XIAP: variants seen among roughly 807,000 people sequenced by gnomAD.
The protein encoded by XIAP is E3 ubiquitin-protein ligase XIAP.
A neutral mutation model predicts 33.1 loss-of-function variants in XIAP; 3 were observed. The observed-to-expected ratio is 0.09, with a 90% confidence interval of 0.04 to 0.23. XIAP has a LOEUF of 0.23. Among genes scored for constraint, XIAP ranks in the 10% least tolerant of loss-of-function variants. The pLI is 1.00. For missense variants in XIAP, 264 were observed against 363.0 expected (o/e 0.73, Z 2.22); for synonymous variants, 98 against 121.3 (o/e 0.81, Z 1.26).
At chrX:123,891,486 T>A (rs1242166130) in intron 4 of XIAP, among the ~76,000 whole-genome samples, 170 bp downstream of exon 4, 1 of 111,845 alleles carries the variant, frequency 8.9e-6, no homozygotes, top group Non-Finnish European at 1.9e-5. Context: ...ACACAAATTT[T>A]AAGTTAAAAA....
rs764131037 is a variant in XIAP, at chrX:123,911,110, G to A, written c.*3929G>A. 3.0e-6 allele frequency: 1 copy of A among 328,727 alleles called. No homozygotes were observed. The highest frequency in any genetic ancestry group is 3.1e-5 in the Admixed American group (1 of 32,124). The allele number at this position is 328,727 out of a possible 1,213,427, so 27.1% of individuals were successfully genotyped here. A position where few individuals can be genotyped will look rare whatever the true frequency, so the allele number is the denominator to read the frequency against. ...GGTTTGTCTTGACCTGGAAATTTGGGCTAAAACTTAGAAAAAATTCTTACA... is the reference window on the plus strand; with the variant it reads ...GGTTTGTCTTGACCTGGAAATTTGGACTAAAACTTAGAAAAAATTCTTACA... On this transcript the variant is annotated 3_prime_UTR_variant, in exon 7 of 7. Transcript: ENST00000371199.
chrX:123,895,694 T>C (rs909924022), intron 5 of XIAP, among the ~76,000 whole-genome samples: 3 of 110,630 alleles, frequency 2.7e-5, no homozygotes, highest in Non-Finnish European at 3.8e-5. Context: ...TTAATGATAT[T>C]GAGCATCTTT....
chrX:123,892,805 T>G (rs768527516), intron 5 of XIAP, 32 bp downstream of exon 5: 1 of 1,115,838 alleles, frequency 9.0e-7, no homozygotes, highest in East Asian at 3.0e-5. Flanking sequence ...CCTTTTAATT[T>G]AACTGCCAAT....
At chrX:123,897,434 A>C (rs1210209379) in intron 5 of XIAP, among the ~76,000 whole-genome samples, 1 of 111,972 alleles carries the variant, frequency 8.9e-6, no homozygotes, top group South Asian at 3.7e-4. Context: ...GGTATCAGGT[A>C]GGGGTCCACG....
chrX:123,864,564 T>C (rs1224312666), intron 1 of XIAP, among the ~76,000 whole-genome samples: 5 of 105,764 alleles, frequency 4.7e-5, no homozygotes, highest in Non-Finnish European at 9.7e-5. Flanking sequence ...CCTCCCGGCT[T>C]CACGCCATTC....
Position 123,885,723 on chromosome X carries a change from G to A in XIAP, c.61G>A (p.Glu21Lys), listed in dbSNP as rs770762804. The change falls in exon 2 of 7, where the codon GAA becomes AAA. Residue 21 changes from glutamate (E) to lysine (K), a missense_variant. Transcript: ENST00000371199. The part of the protein sequence containing the change: ...TCVPADINKE[E>K]EFVEEFNRLK... ...TGTACCTGCAGACATCAATAAGGAA[G>A]AAGAATTTGTAGAAGAGTTTAATAG... The A allele has an allele frequency of 2.5e-6, 3 of 1,211,158 alleles. No individual in the cohort carries two copies. In the African/African-American group the frequency reaches 5.2e-5, roughly 21 times the overall value.
intron 6 of XIAP, among the ~76,000 whole-genome samples, chrX:123,901,877 G>A (rs992302888): frequency 1.8e-5 from 2 of 110,316 alleles, no homozygotes; most frequent in Non-Finnish European, 3.8e-5. Flanking sequence ...CTGTCGCCCA[G>A]GCTGGAGTGC....
intron 2 of XIAP, among the ~76,000 whole-genome samples, chrX:123,887,976 C>G (rs1185151582): frequency 2.9e-5 from 3 of 104,084 alleles, no homozygotes. Flanking sequence ...AAGAGTAAAA[C>G]TCCATCTCAG....
chrX:123,888,831 T>C, intron 3 of XIAP, 113 bp downstream of exon 3: 1 of 641,422 alleles, frequency 1.6e-6, no homozygotes, highest in Admixed American at 2.7e-5. Flanking sequence ...AAATTCATGC[T>C]AGGTTTATAA....
chrX:123,874,847 A>AC (rs1399106648), intron 1 of XIAP, among the ~76,000 whole-genome samples: 1 of 98,899 alleles, frequency 1.0e-5, no homozygotes, highest in East Asian at 3.1e-4. Context: ...GGTGTGTGCC[A>AC]CCACCCCCAG....
intron 1 of XIAP, among the ~76,000 whole-genome samples, chrX:123,864,455 GTTT>G (rs1162636021): frequency 4.0e-5 from 2 of 49,596 alleles, no homozygotes; most frequent in African/African-American, 8.3e-5. Flanking sequence ...CCTTTCTTCT[GTTT>G]TTTTTTTTTT....
Position 123,908,534 on chromosome X carries a change from A to AT in XIAP, c.*1354dup, listed in dbSNP as rs1569480022. The AT allele has an allele frequency of 1.1e-5, 4 of 365,910 alleles. No individual in the cohort carries two copies. The highest frequency in any genetic ancestry group is 2.1e-5 in the Non-Finnish European group (4 of 192,626). 30.2% of individuals were successfully genotyped at this position (365,910 alleles called of 1,213,427 possible). On this transcript the variant is annotated 3_prime_UTR_variant, in exon 7 of 7. Coordinates refer to ENST00000371199, the MANE Select transcript of XIAP (RefSeq NM_001167.4). ...GACAGCTTTCCATGTTGAGATTCTC[A>AT]TATCATCTTGTATCTTAAAGTTTCA...
At chrX:123,888,806 C>A (rs2053377337) in intron 3 of XIAP, 88 bp downstream of exon 3, 3 of 823,341 alleles carry the variant, frequency 3.6e-6, no homozygotes, top group African/African-American at 2.0e-5. Context: ...CTATTTTTGC[C>A]TTCACTATGG....
At chrX:123,885,556 T>C (rs2053343668) in intron 1 of XIAP, 75 bp from the exon 2 acceptor site, 3 of 845,204 alleles carry the variant, frequency 3.5e-6, no homozygotes, top group Non-Finnish European at 3.4e-6. Flanking sequence ...GTGGATAATT[T>C]GTTAGCTCCT....
intron 6 of XIAP, among the ~76,000 whole-genome samples, chrX:123,904,046 C>G (rs1273274250): frequency 8.9e-6 from 1 of 111,866 alleles, no homozygotes; most frequent in Non-Finnish European, 1.9e-5. Flanking sequence ...TACTTTTTGT[C>G]TCTATAAATT....
intron 5 of XIAP, among the ~76,000 whole-genome samples, chrX:123,893,742 G>A (rs1396493196): frequency 9.0e-6 from 1 of 111,451 alleles, no homozygotes; most frequent in Non-Finnish European, 1.9e-5. Context: ...TCGGGAGGCC[G>A]AGGCGGGAGA....
intron 5 of XIAP, among the ~76,000 whole-genome samples, chrX:123,895,379 G>A (rs1214921137): frequency 1.8e-5 from 2 of 112,005 alleles, no homozygotes; most frequent in Admixed American, 9.5e-5. Context: ...TCTACTTTTT[G>A]ACTATTATGA....
rs771808785 is a variant in XIAP, at chrX:123,913,045, T to A, written c.*5864T>A. On this transcript the variant is annotated 3_prime_UTR_variant, in exon 7 of 7. Transcript: ENST00000371199. ...ATCTGCCTGCCTCGGCCTCACAAAG[T>A]GCTGGGATTACAGGTGTGAACCACT... The A allele has an allele frequency of 3.2e-6, 1 of 316,072 alleles. No individual in the cohort carries two copies. The highest frequency in any genetic ancestry group is 2.7e-5 in the African/African-American group (1 of 36,849). 26.0% of individuals were successfully genotyped at this position (316,072 alleles called of 1,213,427 possible).
chrX:123,888,724 A>T lies in XIAP; in HGVS notation c.977+6A>T, dbSNP rs184272337. 8.3e-7 allele frequency: 1 copy of T among 1,198,441 alleles called. No individual in the cohort carries two copies. The highest frequency in any genetic ancestry group is 1.7e-5 in the African/African-American group (1 of 57,240). On this transcript the variant is annotated splice_donor_region_variant and intron_variant, in intron 3 of 6. Coordinates refer to ENST00000371199, the MANE Select transcript of XIAP (RefSeq NM_001167.4). ...CATGCTAAATGGTATCCAGGGTAAGATATTTAATTGTTCATTGTACAGGCA... is the reference window on the plus strand; with the variant it reads ...CATGCTAAATGGTATCCAGGGTAAGTTATTTAATTGTTCATTGTACAGGCA...
Sources: allele counts gnomAD v4.1 joint callset (sites outside exome capture counted in the v4.1 genomes callset), GRCh38; gene constraint gnomAD v4.1.1; transcripts MANE v1.5; gene names NCBI Gene and HGNC (gene_info 2026-07-23, HGNC 2026-07-21).